Variants in DTWD2 observed in about 807,000 individuals in gnomAD.
DTWD2 encodes the protein DTW motif tRNA-uridine aminocarboxypropyltransferase 2, also known as tRNA-uridine aminocarboxypropyltransferase 2.
In DTWD2, 39 loss-of-function variants were observed where a neutral mutation model predicts 31.8. That is an observed-to-expected ratio of 1.22 (90% CI 0.95 to 1.60). The LOEUF (loss-of-function observed/expected upper bound fraction) is 1.60, where lower values mean the gene tolerates loss of function less well. DTWD2 is among the 40% of genes most tolerant of loss of function. The pLI, the probability that DTWD2 is intolerant of heterozygous loss-of-function variation, is 0.00. For missense variants in DTWD2, 515 were observed against 381.5 expected (o/e 1.35, Z -2.92); for synonymous variants, 180 against 142.8 (o/e 1.26, Z -1.86).
intron 4 of DTWD2, among the ~76,000 whole-genome samples, chr5:118,919,635 T>C (rs1168444631): frequency 3.3e-5 from 5 of 152,224 alleles, no homozygotes; most frequent in African/African-American, 7.2e-5. Flanking sequence ...GAGCTGTAAT[T>C]TGTATCATAT....
intron 4 of DTWD2, among the ~76,000 whole-genome samples, chr5:118,873,717 C>A (rs373756971): frequency 5.3e-5 from 8 of 152,194 alleles, no homozygotes; most frequent in South Asian, 2.1e-4. Flanking sequence ...CTTGCGCTAA[C>A]CCTGACAGAG....
Position 118,967,936 on chromosome 5 carries a change from G to A in DTWD2, c.218+20358C>T, listed in dbSNP as rs193033753. Among the ~76,000 whole-genome samples, 848 of 152,260 alleles carry A rather than the reference G, an allele frequency of 5.6e-3. 3 individuals carry two copies. Among genetic ancestry groups the A allele is most frequent in the Non-Finnish European group, 9.3e-3 (630 of 68,016 alleles). On this transcript the variant is annotated intron_variant, in intron 1 of 5. Transcript: ENST00000510708. ...TTTATTAACTACAAAGGGAACAGGA[G>A]TAACTGCATAGTAGAAAAACACAGC...
At chr5:118,987,824 G>C (rs1755461886) in intron 1 of DTWD2, among the ~76,000 whole-genome samples, 1 of 152,138 alleles carries the variant, frequency 6.6e-6, no homozygotes, top group African/African-American at 2.4e-5. Flanking sequence ...GACGTATGTA[G>C]GGTTTGAAGA....
chr5:118,935,839 T>G (rs1754033488), intron 3 of DTWD2, among the ~76,000 whole-genome samples: 1 of 152,218 alleles, frequency 6.6e-6, no homozygotes, highest in South Asian at 2.1e-4. Context: ...GAAAACATGC[T>G]CATAAAATCA....
chr5:118,894,040 CAA>C (rs201404024), intron 4 of DTWD2, among the ~76,000 whole-genome samples: 31 of 96,756 alleles, frequency 3.2e-4, no homozygotes, highest in Non-Finnish European at 2.9e-4. Flanking sequence ...GACTCTGTCT[CAA>C]AAAAAAAAAA....
intron 1 of DTWD2, among the ~76,000 whole-genome samples, chr5:118,983,728 T>G (rs1755359675): frequency 6.6e-6 from 1 of 152,184 alleles, no homozygotes; most frequent in Non-Finnish European, 1.5e-5. Context: ...GCAAACAAAA[T>G]CTTAACGCTT....
chr5:118,925,239 C>A (rs1170562779), intron 4 of DTWD2, among the ~76,000 whole-genome samples: 2 of 152,162 alleles, frequency 1.3e-5, no homozygotes, highest in East Asian at 3.9e-4. Flanking sequence ...TTTTCATAAT[C>A]CTTTTACAGT....
chr5:118,855,389 T>C (rs932957935), intron 4 of DTWD2, among the ~76,000 whole-genome samples: 8 of 151,414 alleles, frequency 5.3e-5, no homozygotes, highest in African/African-American at 1.9e-4. Context: ...TAACTTTTAC[T>C]TAAAACAAGT....
chr5:118,883,488 T>TTTCA (rs1223218593), intron 4 of DTWD2, among the ~76,000 whole-genome samples: 4 of 152,202 alleles, frequency 2.6e-5, no homozygotes, highest in Non-Finnish European at 5.9e-5. Context: ...ATTAGTCCAT[T>TTTCA]TTCACATTGC....
intron 1 of DTWD2, 139 bp from the exon 2 acceptor site, chr5:118,944,788 G>A: frequency 1.4e-6 from 1 of 714,598 alleles, no homozygotes; most frequent in East Asian, 3.0e-5. Flanking sequence ...GAAATACCAA[G>A]AATGAATTTA....
intron 3 of DTWD2, among the ~76,000 whole-genome samples, chr5:118,936,488 T>C (rs1432515287): frequency 6.6e-6 from 1 of 150,726 alleles, no homozygotes; most frequent in African/African-American, 2.4e-5. Flanking sequence ...AAAGGAAAAA[T>C]TTATAGATTT....
At chr5:118,901,352 T>A (rs1321877451) in intron 4 of DTWD2, among the ~76,000 whole-genome samples, 1 of 152,096 alleles carries the variant, frequency 6.6e-6, no homozygotes, top group African/African-American at 2.4e-5. Context: ...ATAAAAACAA[T>A]GAAGCAGCAC....
intron 2 of DTWD2, among the ~76,000 whole-genome samples, chr5:118,940,537 T>C (rs908121971): frequency 6.6e-6 from 1 of 152,206 alleles, no homozygotes; most frequent in Non-Finnish European, 1.5e-5. Context: ...ATACAATATA[T>C]GTTGTTTTTC....
At chr5:118,862,794 T>C (rs2149545490) in intron 4 of DTWD2, among the ~76,000 whole-genome samples, 1 of 152,308 alleles carries the variant, frequency 6.6e-6, no homozygotes, top group South Asian at 2.1e-4. Context: ...ACAAGCAAAC[T>C]ATGACTATCC....
intron 4 of DTWD2, among the ~76,000 whole-genome samples, chr5:118,855,237 C>T (rs1448405470): frequency 4.2e-5 from 6 of 141,356 alleles, no homozygotes; most frequent in African/African-American, 7.8e-5. Context: ...CAAGAAGTTG[C>T]GGTAAAACTT....
At chr5:118,958,519 A>C (rs1056524598) in intron 1 of DTWD2, among the ~76,000 whole-genome samples, 2 of 151,980 alleles carry the variant, frequency 1.3e-5, no homozygotes, top group African/African-American at 4.8e-5. Context: ...ATAAAGAAAA[A>C]AAGAAAATCC....
chr5:118,895,153 TAAGTA>T (rs1209096044), intron 4 of DTWD2, among the ~76,000 whole-genome samples: 2 of 152,020 alleles, frequency 1.3e-5, no homozygotes, highest in African/African-American at 2.4e-5. Context: ...ATTGATACAT[TAAGTA>T]AAGTTGCAAG....
At chr5:118,847,225 G>T (rs1420676798) in intron 5 of DTWD2, among the ~76,000 whole-genome samples, 1 of 151,850 alleles carries the variant, frequency 6.6e-6, no homozygotes, top group Admixed American at 6.6e-5. Context: ...AACCATAATG[G>T]ATAATGAGAA....
At chr5:118,953,696 T>C (rs1042941900) in intron 1 of DTWD2, among the ~76,000 whole-genome samples, 16 of 152,200 alleles carry the variant, frequency 1.1e-4, no homozygotes, top group African/African-American at 3.9e-4. Context: ...GGCTACCTTA[T>C]CTGCCTAGTG....
Sources: allele counts gnomAD v4.1 joint callset (sites outside exome capture counted in the v4.1 genomes callset), GRCh38; gene constraint gnomAD v4.1.1; transcripts MANE v1.5; gene names NCBI Gene and HGNC (gene_info 2026-07-23, HGNC 2026-07-21).